The following GSE1 variants were observed in gnomAD, a reference collection of about 807,000 sequenced individuals.
The protein encoded by GSE1 is Gse1 coiled-coil protein, also known as genetic suppressor element 1.
A neutral mutation model predicts 112.6 loss-of-function variants in GSE1; 32 were observed. The observed-to-expected ratio is 0.28, with a 90% CI of 0.21 to 0.38. GSE1 has a LOEUF of 0.38. GSE1 is among the 10% of genes least tolerant of loss of function. The pLI, the probability that GSE1 is intolerant of heterozygous loss-of-function variation, is 1.00. For missense variants in GSE1, 2,348 were observed against 1,699.2 expected, an observed-to-expected ratio of 1.38 and a Z score of -6.71; for synonymous variants, 1,115 against 735.6, an observed-to-expected ratio of 1.52 and a Z score of -8.35.
At chr16:85,443,977 G>A (rs1021209429) in intron 2 of GSE1, among the ~76,000 whole-genome samples, 1 of 139,828 alleles carries the variant, frequency 7.2e-6, no homozygotes, top group African/African-American at 2.6e-5. Context: ...GGAGACAAGG[G>A]GGCGCTTTTT....
chr16:85,378,500 G>T (rs932439210), intron 2 of GSE1, among the ~76,000 whole-genome samples: 1 of 152,200 alleles, frequency 6.6e-6, no homozygotes, highest in African/African-American at 2.4e-5. Context: ...TTCCCCCAGG[G>T]CCAGAGAGAC....
At chr16:85,195,594 C>T (rs987263637) in intron 1 of GSE1, among the ~76,000 whole-genome samples, 1 of 152,206 alleles carries the variant, frequency 6.6e-6, no homozygotes, top group African/African-American at 2.4e-5. Context: ...TTTCTGACAC[C>T]ATTTGGGTCC....
upstream of GSE1, among the ~76,000 whole-genome samples, chr16:85,611,025 G>A (rs74031887): frequency 0.065 from 9,966 of 152,248 alleles, 1,030 homozygotes; most frequent in African/African-American, 0.22. Context: ...TTCACCCCTG[G>A]CCCAAGGGCC....
intron 1 of GSE1, among the ~76,000 whole-genome samples, chr16:85,223,378 C>CT (rs2075426942): frequency 6.6e-6 from 1 of 151,896 alleles, no homozygotes; most frequent in Non-Finnish European, 1.5e-5. Context: ...CAAAAATTAA[C>CT]TGAGTGTAAT....
chr16:85,479,149 G>A (rs1466192737), intron 2 of GSE1, among the ~76,000 whole-genome samples: 1 of 146,210 alleles, frequency 6.8e-6, no homozygotes, highest in Admixed American at 6.9e-5. Context: ...AGCCTCCCAA[G>A]TAGCTGGGAC....
At chr16:85,503,941 G>T (rs754705477) in intron 2 of GSE1, among the ~76,000 whole-genome samples, 25 of 152,192 alleles carry the variant, frequency 1.6e-4, no homozygotes, top group Non-Finnish European at 3.2e-4. Flanking sequence ...GAAGATAGAT[G>T]GTCATCCTTT....
intron 1 of GSE1, among the ~76,000 whole-genome samples, chr16:85,221,392 TAC>T (rs1391563010): frequency 3.3e-5 from 5 of 151,732 alleles, no homozygotes; most frequent in Non-Finnish European, 7.4e-5. Context: ...CCCACATGCA[TAC>T]ACACATACCA....
chr16:85,528,140 G>T (rs1175853177), intron 2 of GSE1, among the ~76,000 whole-genome samples: 1 of 152,256 alleles, frequency 6.6e-6, no homozygotes, highest in Non-Finnish European at 1.5e-5. Context: ...GGGTGTGTGG[G>T]CGTGAGCTGG....
intron 2 of GSE1, among the ~76,000 whole-genome samples, chr16:85,430,456 G>A (rs55691755): frequency 0.56 from 84,917 of 152,124 alleles, 26,195 homozygotes; most frequent in Non-Finnish European, 0.7. Flanking sequence ...CTCCAAGAGG[G>A]ACACAGGTGG....
intron 2 of GSE1, among the ~76,000 whole-genome samples, chr16:85,393,608 A>G (rs1175852570): frequency 6.6e-6 from 1 of 152,184 alleles, no homozygotes; most frequent in Non-Finnish European, 1.5e-5. Context: ...CCAAAGAGCC[A>G]CCTATCCCTG....
At position 85,489,605 on chromosome 16, in the gene GSE1, C is replaced by T. The variant is rs28536644; in HGVS notation, c.2464+131962C>T. 4.9e-5 allele frequency among the ~76,000 whole-genome samples: 7 copies of T among 143,354 alleles called. No homozygotes were observed. In the South Asian group the frequency reaches 7.3e-4, roughly 15 times the overall value. The allele number at this position is 143,354 out of a possible 152,430, so 94.0% of individuals were successfully genotyped here. On this transcript the variant is annotated intron_variant, in intron 2 of 2. Coordinates refer to the GSE1 transcript ENST00000637419. The stretch of plus-strand genomic sequence containing the variant: ...CCCACCCCACAAGCCGTGCTTCATT[C>T]GTGAAGTTGCTACGCGGCCCGCGCC...
In GSE1 at chr16:85,634,139, G is replaced by A. The variant is rs2049785846; in HGVS notation, c.226+7G>A. ...CAGGCGGAGGAGCCCAGAGGTAAGG[G>A]GGCCCGCCAGGCTGCGCGTGGGGGG... is the stretch of plus-strand genomic sequence containing the variant. On this transcript the variant is annotated splice_region_variant and intron_variant, in intron 2 of 15. Transcript: ENST00000253458. The A allele has an allele frequency of 2.7e-6, 4 of 1,456,108 alleles. No homozygotes were observed. The highest frequency in any genetic ancestry group is 1.4e-5 in the South Asian group (1 of 71,270). The allele number at this position is 1,456,108 out of a possible 1,614,324, so 90.2% of individuals were successfully genotyped here. A position where few individuals can be genotyped will look rare whatever the true frequency, so the allele number is the denominator to read the frequency against.
At chr16:85,181,262 G>T (rs943823716) in intron 1 of GSE1, among the ~76,000 whole-genome samples, 4 of 152,214 alleles carry the variant, frequency 2.6e-5, no homozygotes, top group African/African-American at 9.6e-5. Flanking sequence ...CACAGAGGGG[G>T]CGTGAATGGC....
At chr16:85,308,394 G>A (rs890632022) in intron 1 of GSE1, among the ~76,000 whole-genome samples, 1 of 152,182 alleles carries the variant, frequency 6.6e-6, no homozygotes, top group East Asian at 1.9e-4. Flanking sequence ...TCAAAACAGA[G>A]AAGCTTCTGT....
rs564465960 is a variant in GSE1, at chr16:85,217,414, C to G, written c.2283+45607C>G. On this transcript the variant is annotated intron_variant, in intron 1 of 2. Transcript: ENST00000637419. ...GGGACCATGCGAAGGCTGGCGATCC[C>G]TCCAGAGAACCGTGTGCCCTGCAGA... Among the ~76,000 whole-genome samples, 20 of 152,300 alleles carry G rather than the reference C, an allele frequency of 1.3e-4. No individual in the cohort carries two copies. In the East Asian group the frequency reaches 3.9e-3, roughly 29 times the overall value.
At chr16:85,445,099 C>T (rs993402407) in intron 2 of GSE1, among the ~76,000 whole-genome samples, 2 of 152,250 alleles carry the variant, frequency 1.3e-5, no homozygotes, top group Non-Finnish European at 2.9e-5. Flanking sequence ...CTTTATCTTC[C>T]AGCCTGAATC....
chr16:85,358,823 G>A (rs2047006821), intron 2 of GSE1, among the ~76,000 whole-genome samples: 2 of 152,190 alleles, frequency 1.3e-5, no homozygotes, highest in Admixed American at 6.5e-5. Flanking sequence ...CCTTGTCTGA[G>A]GACCTGCTCT....
chr16:85,285,802 G>A (rs1485359125), intron 1 of GSE1: 1 of 152,188 alleles, frequency 6.6e-6, no homozygotes, highest in South Asian at 2.1e-4. Context: ...CCTGTCCACA[G>A]TAAAGGCTGA....
At chr16:85,606,308 A>C (rs1310093383) in intron 1 of GSE1, among the ~76,000 whole-genome samples, 1 of 152,132 alleles carries the variant, frequency 6.6e-6, no homozygotes, top group Non-Finnish European at 1.5e-5. Context: ...GGAAATGAAA[A>C]CCTGGCATCC....
Sources: gnomAD v4.1 joint callset for allele counts (sites outside exome capture counted in the v4.1 genomes callset) on GRCh38, gnomAD v4.1.1 for gene constraint, MANE v1.5 for transcripts, NCBI Gene and HGNC (gene_info 2026-07-23, HGNC 2026-07-21) for gene names.